The following PARD6B variants were observed in gnomAD, a reference collection of about 807,000 sequenced individuals.
PARD6B encodes the protein par-6 family cell polarity regulator beta, also known as partitioning defective 6 homolog beta.
Under a neutral mutation model 10.5 loss-of-function variants are expected in PARD6B, and 4 were observed. The ratio of observed to expected loss-of-function variants is 0.38; its 90% CI spans 0.19 to 0.87. The LOEUF (loss-of-function observed/expected upper bound fraction) is 0.87. PARD6B is among the 40% of genes least tolerant of loss of function. The pLI is 0.41. For missense variants in PARD6B, 396 were observed against 470.6 expected, an observed-to-expected ratio of 0.84 and a Z score of 1.47; for synonymous variants, 169 against 170.4, an observed-to-expected ratio of 0.99 and a Z score of 0.07.
chr20:50,732,906 C>A (rs201711026), intron 1 of PARD6B, among the ~76,000 whole-genome samples: 16 of 146,496 alleles, frequency 1.1e-4, no homozygotes, highest in South Asian at 2.1e-4. Flanking sequence ...ATATCAATTT[C>A]AAAAAAAAAA....
In PARD6B at chr20:50,750,388, T is replaced by C; in HGVS notation, c.1019T>C (p.Val340Ala). The change falls in exon 3 of 3, where the codon GTG becomes GCG. Residue 340 changes from valine to alanine, a missense_variant. This residue lies in a region of PARD6B where 188 missense variants were observed against 169.7 expected (regional missense o/e 1.11). Coordinates refer to ENST00000371610, the MANE Select transcript of PARD6B (RefSeq NM_032521.3). ...GQNGFIPSNE[V>A]SLAAIASSSN... ...AATGGCTTTATTCCCTCTAATGAAG[T>C]GAGCTTAGCAGCCATAGCAAGCAGC... is the stretch of plus-strand genomic sequence containing the variant. 6.2e-7 allele frequency: 1 copy of C among 1,614,174 alleles called. No homozygotes were observed. The highest frequency in any genetic ancestry group is 1.1e-5 in the South Asian group (1 of 91,080).
chr20:50,734,014 C>A (rs1359030477), intron 1 of PARD6B, among the ~76,000 whole-genome samples: 1 of 152,216 alleles, frequency 6.6e-6, no homozygotes, highest in Non-Finnish European at 1.5e-5. Context: ...AACTGCCATA[C>A]TGCACTTTCA....
rs1469911021 is a variant in PARD6B at position 50,750,230 on chromosome 20, G to A, written c.861G>A (p.Glu287=). ...PQQIEPSFEP[E]DEDSEEDDII... Reference sequence around the variant, plus strand: ...AGATTGAACCAAGCTTTGAGCCAGAGGATGAAGACAGCGAAGAAGATGACA... The same window carrying A: ...AGATTGAACCAAGCTTTGAGCCAGAAGATGAAGACAGCGAAGAAGATGACA... The change falls in exon 3 of 3, where the codon GAG becomes GAA. Residue 287 remains glutamate, a synonymous_variant. Coordinates refer to ENST00000371610, the MANE Select transcript of PARD6B (RefSeq NM_032521.3). 2 of 1,614,198 alleles carry A rather than the reference G, an allele frequency of 1.2e-6. No homozygotes were observed. The highest frequency in any genetic ancestry group is 1.7e-6 in the Non-Finnish European group (2 of 1,180,024).
Position 50,753,079 on chromosome 20 carries a change from T to C in PARD6B, c.*2591T>C, listed in dbSNP as rs1014727970. The C allele has an allele frequency of 1.6e-5, 16 of 983,776 alleles. No homozygotes were observed. Among genetic ancestry groups the C allele is most frequent in the Non-Finnish European group, 1.9e-5 (16 of 828,188 alleles). The allele number at this position is 983,776 out of a possible 1,614,324, so 60.9% of individuals were successfully genotyped here. A position where few individuals can be genotyped will look rare whatever the true frequency, so the allele number is the denominator to read the frequency against. On this transcript the variant is annotated 3_prime_UTR_variant, in exon 3 of 3. Coordinates refer to ENST00000371610, the MANE Select transcript of PARD6B (RefSeq NM_032521.3). ...ATTTTTACACACTACCTCTCTCTTT[T>C]TTTTTTTAAAGTTTTAACATCAGAA... is the stretch of plus-strand genomic sequence containing the variant.
chr20:50,748,117 T>C (rs2087579417), intron 2 of PARD6B, among the ~76,000 whole-genome samples: 1 of 152,192 alleles, frequency 6.6e-6, no homozygotes, highest in African/African-American at 2.4e-5. Flanking sequence ...GGCAGGTGGA[T>C]CACCTGAGGT....
At chr20:50,747,489 C>CTT (rs58629233) in intron 2 of PARD6B, among the ~76,000 whole-genome samples, 6,505 of 33,318 alleles carry the variant, frequency 0.2, 1,057 homozygotes, top group East Asian at 0.31. Flanking sequence ...TTCTTTCTTT[C>CTT]TTTTTTTTTT....
intron 1 of PARD6B, among the ~76,000 whole-genome samples, chr20:50,734,132 TGA>T (rs1195125733): frequency 3.3e-5 from 5 of 152,228 alleles, no homozygotes; most frequent in African/African-American, 1.2e-4. Flanking sequence ...ATATAGGTAG[TGA>T]GTGTTTCTAG....
chr20:50,738,367 G>T (rs370849980), intron 2 of PARD6B, among the ~76,000 whole-genome samples: 7 of 152,130 alleles, frequency 4.6e-5, no homozygotes, highest in African/African-American at 1.4e-4. Flanking sequence ...TGAATATTGG[G>T]AATTTATTGA....
intron 1 of PARD6B, among the ~76,000 whole-genome samples, chr20:50,737,232 C>G (rs1465356141): frequency 6.6e-6 from 1 of 152,212 alleles, no homozygotes; most frequent in Non-Finnish European, 1.5e-5. Context: ...CTTTCAATCT[C>G]TAGGGCCTAG....
At chr20:50,735,587 G>C (rs2087495364) in intron 1 of PARD6B, among the ~76,000 whole-genome samples, 1 of 152,132 alleles carries the variant, frequency 6.6e-6, no homozygotes, top group South Asian at 2.1e-4. Context: ...TCTTAATTTT[G>C]TCTCTTAGTG....
rs185319697 is a variant in PARD6B at position 50,745,453 on chromosome 20, A to G, written c.290-4206A>G. On this transcript the variant is annotated intron_variant, in intron 2 of 2. Transcript: ENST00000371610. ...GTTGCCAGATCTATCTCATTTAACC[A>G]TTTTATATTAGAGCAAGAGTTGGCA... 3.6e-4 allele frequency among the ~76,000 whole-genome samples: 55 copies of G among 151,626 alleles called. No homozygotes were observed. The East Asian group carries it at 0.011, about 29-fold the overall frequency.
chr20:50,734,185 G>GAAAT (rs2087487215), intron 1 of PARD6B, among the ~76,000 whole-genome samples: 1 of 152,126 alleles, frequency 6.6e-6, no homozygotes, highest in Non-Finnish European at 1.5e-5. Flanking sequence ...ATATATTGCT[G>GAAAT]ATACATTTAT....
In PARD6B at chr20:50,750,953, GATTT is replaced by G. The variant is rs2087603045; in HGVS notation, c.*466_*469del. ...TCTCATGTTCCCAATATTTTATTTTGATTTTTTTTTTTTTTTTTTTTTTTTTTTT... is the reference window on the plus strand; with the variant it reads ...TCTCATGTTCCCAATATTTTATTTTGTTTTTTTTTTTTTTTTTTTTTTTTT... On this transcript the variant is annotated 3_prime_UTR_variant, in exon 3 of 3. Coordinates refer to ENST00000371610, the MANE Select transcript of PARD6B (RefSeq NM_032521.3). 7.6e-5 allele frequency: 16 copies of G among 211,038 alleles called. No individual in the cohort carries two copies. Among genetic ancestry groups the G allele is most frequent in the East Asian group, 5.7e-4 (1 of 1,748 alleles). The allele number at this position is 211,038 out of a possible 1,614,324, so 13.1% of individuals were successfully genotyped here. A position where few individuals can be genotyped will look rare whatever the true frequency, so the allele number is the denominator to read the frequency against.
Position 50,750,273 on chromosome 20 carries a change from G to T in PARD6B, c.904G>T (p.Gly302Ter). The T allele has an allele frequency of 6.2e-7, 1 of 1,614,204 alleles. No individual in the cohort carries two copies. Among genetic ancestry groups the T allele is most frequent in the Non-Finnish European group, 8.5e-7 (1 of 1,180,048 alleles). ...EEDDIIIEDN[G>*]VPQQIPKAVP... ...AGATGACATTATCATTGAAGACAATGGAGTGCCACAGCAGATTCCAAAAGC... is the reference window on the plus strand; with the variant it reads ...AGATGACATTATCATTGAAGACAATTGAGTGCCACAGCAGATTCCAAAAGC... The change falls in exon 3 of 3, where the codon GGA becomes TGA. Residue 302 changes from glycine (G) to a stop codon, truncating the protein, a stop_gained. Transcript: ENST00000371610. LOFTEE classifies it low-confidence loss of function (END_TRUNC).
intron 2 of PARD6B, among the ~76,000 whole-genome samples, chr20:50,742,628 A>G (rs912224703): frequency 6.6e-6 from 1 of 152,076 alleles, no homozygotes. Context: ...AGCCTCTCAT[A>G]GTGCTGGGAT....
In PARD6B at chr20:50,751,262, T is replaced by C. The variant is rs1022647838; in HGVS notation, c.*774T>C. On this transcript the variant is annotated 3_prime_UTR_variant, in exon 3 of 3. Coordinates refer to ENST00000371610, the MANE Select transcript of PARD6B (RefSeq NM_032521.3). ...GATTAGAGCCACCATGCCCAGCCTA[T>C]TTTGATTTTTGTTTTTTTATGTTCC... 10 of 958,874 alleles carry C rather than the reference T, an allele frequency of 1.0e-5. No homozygotes were observed. The highest frequency in any genetic ancestry group is 2.0e-5 in the African/African-American group (1 of 51,016). The allele number at this position is 958,874 out of a possible 1,614,324, so 59.4% of individuals were successfully genotyped here.
chr20:50,734,812 C>G (rs1393559269), intron 1 of PARD6B, among the ~76,000 whole-genome samples: 2 of 152,156 alleles, frequency 1.3e-5, no homozygotes, highest in Non-Finnish European at 2.9e-5. Context: ...TTAGCCACCA[C>G]ACTGGGTTCC....
intron 2 of PARD6B, among the ~76,000 whole-genome samples, chr20:50,744,588 C>T (rs967318133): frequency 6.6e-6 from 1 of 152,174 alleles, no homozygotes; most frequent in Non-Finnish European, 1.5e-5. Context: ...CCAGGAGGCC[C>T]TGTTTGTCTG....
intron 2 of PARD6B, among the ~76,000 whole-genome samples, chr20:50,738,400 T>G (rs967109564): frequency 2.0e-5 from 3 of 152,270 alleles, no homozygotes; most frequent in African/African-American, 7.2e-5. Flanking sequence ...TCAAATGGAT[T>G]ATTCTCCACT....
Sources: allele counts gnomAD v4.1 joint callset (sites outside exome capture counted in the v4.1 genomes callset), GRCh38; gene constraint gnomAD v4.1.1; regional missense constraint gnomAD v4.1.1; transcripts MANE v1.5; gene names NCBI Gene and HGNC (gene_info 2026-07-23, HGNC 2026-07-21).